Variants in RAPGEF5 observed in about 807,000 individuals in gnomAD.
RAPGEF5 encodes the protein Rap guanine nucleotide exchange factor 5.
Under a neutral mutation model 125.2 loss-of-function variants are expected in RAPGEF5, and 65 were observed. The observed-to-expected ratio is 0.52, with a 90% confidence interval of 0.43 to 0.64. The LOEUF (loss-of-function observed/expected upper bound fraction) is 0.64. RAPGEF5 is among the 30% of genes least tolerant of loss of function. The pLI, the probability that RAPGEF5 is intolerant of heterozygous loss-of-function variation, is 0.00. For synonymous variants in RAPGEF5, 391 were observed against 385.9 expected (o/e 1.01, Z -0.16); for missense variants, 958 against 1,048.1 (o/e 0.91, Z 1.19).
At position 22,125,657 on chromosome 7, in the gene RAPGEF5, T is replaced by C. The variant is rs760057734; in HGVS notation, c.2483A>G (p.His828Arg). The C allele has an allele frequency of 5.3e-5, 85 of 1,609,464 alleles. No homozygotes were observed. Among genetic ancestry groups the C allele is most frequent in the Non-Finnish European group, 6.9e-5 (81 of 1,175,988 alleles). ...GGTTCGGACAGTGTCTGCGATCATA[T>C]GCTGTAAAGTAGAACAGGAAACACA... Reference protein sequence around the residue: ...LDNLVNFEKLHMIADTVRTLR... With the variant: ...LDNLVNFEKLRMIADTVRTLR... The change falls in exon 25 of 26, where the codon CAT becomes CGT. Residue 828 changes from histidine to arginine, a missense_variant and splice_region_variant. Physicochemically the swap from His to Arg is conservative, Grantham distance 29. Coordinates refer to ENST00000665637, the MANE Select transcript of RAPGEF5 (RefSeq NM_012294.5).
At chr7:22,257,639 C>T (rs1782030873) in intron 7 of RAPGEF5, among the ~76,000 whole-genome samples, 1 of 152,154 alleles carries the variant, frequency 6.6e-6, no homozygotes, top group African/African-American at 2.4e-5. Flanking sequence ...ACACTCAATG[C>T]CAACTCAAGC....
chr7:22,286,309 C>T (rs1261184056), intron 6 of RAPGEF5, among the ~76,000 whole-genome samples: 3 of 152,188 alleles, frequency 2.0e-5, no homozygotes, highest in African/African-American at 7.2e-5. Flanking sequence ...AAGGACCTCC[C>T]ACATACCCAT....
At chr7:22,208,027 G>C (rs972903135) in intron 9 of RAPGEF5, among the ~76,000 whole-genome samples, 6 of 152,154 alleles carry the variant, frequency 3.9e-5, no homozygotes, top group Admixed American at 6.5e-5. Flanking sequence ...TCTTCTGTGT[G>C]TTTTTGCCCT....
chr7:22,256,365 G>A (rs1056215300), intron 7 of RAPGEF5, among the ~76,000 whole-genome samples: 3 of 152,150 alleles, frequency 2.0e-5, no homozygotes, highest in African/African-American at 7.2e-5. Context: ...TGACTGAGGT[G>A]AATGAATGTA....
At chr7:22,162,789 ACATGGTTTC>A (rs1784048683) in intron 12 of RAPGEF5, among the ~76,000 whole-genome samples, 1 of 152,222 alleles carries the variant, frequency 6.6e-6, no homozygotes, top group Non-Finnish European at 1.5e-5. Context: ...ACAGCTGCTG[ACATGGTTTC>A]ATAGGCAACA....
chr7:22,194,952 C>A (rs1785112005), intron 9 of RAPGEF5, among the ~76,000 whole-genome samples: 1 of 152,150 alleles, frequency 6.6e-6, no homozygotes, highest in African/African-American at 2.4e-5. Flanking sequence ...GTACGGTAGC[C>A]CGGGAGAAAG....
chr7:22,130,030 A>G (rs1467963257), intron 24 of RAPGEF5, among the ~76,000 whole-genome samples: 1 of 152,118 alleles, frequency 6.6e-6, no homozygotes, highest in Admixed American at 6.5e-5. Context: ...TCCCTGCCTC[A>G]CTTAACCTCC....
chr7:22,185,974 T>C (rs1056460985), intron 11 of RAPGEF5, among the ~76,000 whole-genome samples: 16 of 152,048 alleles, frequency 1.1e-4, no homozygotes, highest in African/African-American at 2.7e-4. Context: ...CATGCCTCAG[T>C]GCCACCACTT....
chr7:22,349,494 T>C (rs1784290876), intron 1 of RAPGEF5, among the ~76,000 whole-genome samples: 1 of 151,762 alleles, frequency 6.6e-6, no homozygotes, highest in African/African-American at 2.4e-5. Context: ...TCAAAGTAGC[T>C]TCAAGAGAAT....
chr7:22,186,055 A>G (rs887705534), intron 11 of RAPGEF5, among the ~76,000 whole-genome samples: 8 of 151,978 alleles, frequency 5.3e-5, no homozygotes, highest in Admixed American at 4.6e-4. Flanking sequence ...CGAACTCCTG[A>G]CCTCAAGTCA....
rs1422209244 is a variant in RAPGEF5 at position 22,316,485 on chromosome 7, A to AT, written c.283-1010dup. 6.4e-3 allele frequency among the ~76,000 whole-genome samples: 188 copies of AT among 29,522 alleles called. 4 individuals carry two copies. The highest frequency in any genetic ancestry group is 0.056 in the East Asian group (54 of 962). 19.4% of individuals were successfully genotyped at this position (29,522 alleles called of 152,430 possible). Reference sequence around the variant, plus strand: ...CATATATATATATATATATATATATATATATTTTTTTTTTTTTTTTTTTGA... The same window carrying AT: ...CATATATATATATATATATATATATATTATATTTTTTTTTTTTTTTTTTTGA... On this transcript the variant is annotated intron_variant, in intron 2 of 25. Coordinates refer to ENST00000665637, the MANE Select transcript of RAPGEF5 (RefSeq NM_012294.5).
intron 23 of RAPGEF5, among the ~76,000 whole-genome samples, chr7:22,134,253 G>A (rs1783010003): frequency 6.6e-6 from 1 of 152,042 alleles, no homozygotes; most frequent in African/African-American, 2.4e-5. Flanking sequence ...GTAACTTTAA[G>A]TACAATGAAG....
chr7:22,327,561 C>G (rs1019869326), intron 1 of RAPGEF5, among the ~76,000 whole-genome samples: 1 of 152,206 alleles, frequency 6.6e-6, no homozygotes, highest in Non-Finnish European at 1.5e-5. Flanking sequence ...ATCCTCTCCT[C>G]CCGGGAGGCA....
chr7:22,136,018 A>G lies in RAPGEF5; in HGVS notation c.2416+20T>C, dbSNP rs1783068037. ...TCTGAAATATGAAATTACATGGCATAAAAGATAGAAAATCATTACCTTTAA... is the reference window on the plus strand; with the variant it reads ...TCTGAAATATGAAATTACATGGCATGAAAGATAGAAAATCATTACCTTTAA... On this transcript the variant is annotated intron_variant, in intron 23 of 25. Transcript: ENST00000665637. 6.4e-7 allele frequency: 1 copy of G among 1,554,652 alleles called. No homozygotes were observed. Among genetic ancestry groups the G allele is most frequent in the Non-Finnish European group, 8.8e-7 (1 of 1,137,466 alleles).
At chr7:22,277,679 G>A (rs1485814544) in intron 6 of RAPGEF5, among the ~76,000 whole-genome samples, 1 of 152,158 alleles carries the variant, frequency 6.6e-6, no homozygotes, top group African/African-American at 2.4e-5. Context: ...CCCGGAAGCT[G>A]CCCATAGCTC....
At chr7:22,188,917 G>A (rs1784905414) in intron 11 of RAPGEF5, among the ~76,000 whole-genome samples, 1 of 151,734 alleles carries the variant, frequency 6.6e-6, no homozygotes, top group Non-Finnish European at 1.5e-5. Flanking sequence ...TCAATCACAT[G>A]CTCAACCTAC....
chr7:22,214,443 G>A (rs1370215674), intron 9 of RAPGEF5, among the ~76,000 whole-genome samples: 2 of 152,172 alleles, frequency 1.3e-5, no homozygotes, highest in Non-Finnish European at 2.9e-5. Flanking sequence ...CAGGTTAGGA[G>A]CTATTGTTGG....
In RAPGEF5 at chr7:22,174,391, T is replaced by C. The variant is rs569717804; in HGVS notation, c.1205-7243A>G. Among the ~76,000 whole-genome samples, 4 of 152,242 alleles carry C rather than the reference T, an allele frequency of 2.6e-5. No homozygotes were observed. In the East Asian group the frequency reaches 7.7e-4, roughly 29 times the overall value. ...GTCCCTAGAGATGCTTTCTGTGAGTTGACAAAATTTAAAAGTCAGAAGATC... is the reference window on the plus strand; with the variant it reads ...GTCCCTAGAGATGCTTTCTGTGAGTCGACAAAATTTAAAAGTCAGAAGATC... On this transcript the variant is annotated intron_variant, in intron 11 of 25. Transcript: ENST00000665637.
rs762828625 is a variant in RAPGEF5 at position 22,156,817 on chromosome 7, C to T, written c.1629G>A (p.Thr543=). Reference sequence around the variant, plus strand: ...ACTTCAAACCATACTCACTTTCCTCCGTTTCAGTCACAGTTCCTCTATGCT... The same window carrying T: ...ACTTCAAACCATACTCACTTTCCTCTGTTTCAGTCACAGTTCCTCTATGCT... The part of the protein sequence containing the change: ...WLQHRGTVTE[T]EEIFCHVYIT... The change falls in exon 16 of 26, where the codon ACG becomes ACA. Residue 543 remains threonine (T), a synonymous_variant. Coordinates refer to ENST00000665637, the MANE Select transcript of RAPGEF5 (RefSeq NM_012294.5). 1.9e-6 allele frequency: 3 copies of T among 1,613,878 alleles called. No individual in the cohort carries two copies. The highest frequency in any genetic ancestry group is 1.1e-5 in the South Asian group (1 of 91,064).
Sources: allele counts gnomAD v4.1 joint callset (sites outside exome capture counted in the v4.1 genomes callset), GRCh38; gene constraint gnomAD v4.1.1; transcripts MANE v1.5; gene names NCBI Gene and HGNC (gene_info 2026-07-23, HGNC 2026-07-21).